ACSF3: variants seen among roughly 807,000 people sequenced by gnomAD.
ACSF3 encodes the protein acyl-CoA synthetase family member 3.
A neutral mutation model predicts 53.2 loss-of-function variants in ACSF3; 78 were observed. The observed-to-expected ratio is 1.47, with a 90% CI of 1.22 to 1.77. The LOEUF (loss-of-function observed/expected upper bound fraction) is 1.77, where lower values mean the gene tolerates loss of function less well. Ranked by LOEUF, ACSF3 falls within the 40% of genes most tolerant of loss-of-function variation. ACSF3 has a pLI of 0.00. For synonymous variants in ACSF3, 414 were observed against 333.1 expected (o/e 1.24, Z -2.65); for missense variants, 937 against 771.1 (o/e 1.22, Z -2.55).
chr16:89,125,431 G>A (rs980539583), intron 7 of ACSF3, among the ~76,000 whole-genome samples: 1 of 151,868 alleles, frequency 6.6e-6, no homozygotes, highest in African/African-American at 2.4e-5. Flanking sequence ...AGTGGCTCAT[G>A]CCTGTATTCC....
chr16:89,135,909 G>C (rs1910355496), intron 8 of ACSF3, among the ~76,000 whole-genome samples: 2 of 152,218 alleles, frequency 1.3e-5, no homozygotes, highest in Admixed American at 1.3e-4. Flanking sequence ...CAAGTAGCTG[G>C]GATTACAGGC....
intron 8 of ACSF3, chr16:89,136,513 A>G: frequency 5.6e-6 from 7 of 1,244,466 alleles, no homozygotes; most frequent in Non-Finnish European, 6.2e-6. Flanking sequence ...TTAAATAGAA[A>G]TCAGGAGAAA....
At chr16:89,117,548 T>C (rs925422080) in intron 6 of ACSF3, among the ~76,000 whole-genome samples, 25 of 149,248 alleles carry the variant, frequency 1.7e-4, no homozygotes, top group Non-Finnish European at 3.3e-4. Context: ...GCCCGGGGAC[T>C]GCTGTCTACA....
At chr16:89,151,666 G>GTGCAGT in intron 10 of ACSF3, 1 of 181,260 alleles carries the variant, frequency 5.5e-6, no homozygotes, top group Non-Finnish European at 1.2e-5. Flanking sequence ...GAGTGCAGTG[G>GTGCAGT]CACGATCTCC....
At chr16:89,109,863 G>A (rs193121065) in intron 4 of ACSF3, among the ~76,000 whole-genome samples, 7 of 152,290 alleles carry the variant, frequency 4.6e-5, no homozygotes, top group African/African-American at 7.2e-5. Flanking sequence ...CCGGGATTAC[G>A]GGCATGAGCA....
intron 4 of ACSF3, among the ~76,000 whole-genome samples, chr16:89,106,946 G>C (rs1892367510): frequency 6.6e-6 from 1 of 152,240 alleles, no homozygotes; most frequent in South Asian, 2.1e-4. Flanking sequence ...GGAGATCAAA[G>C]TCACCACTGA....
chr16:89,100,755 G>T lies in ACSF3; in HGVS notation c.74G>T (p.Arg25Ile). Residue 25 changes from arginine (R) to isoleucine (I), a missense_variant, in exon 3 of 11, where the codon AGA (arginine) becomes ATA (isoleucine). Transcript: ENST00000614302. Reference protein sequence around the residue: ...ALASCRLAPARHRGSGLLHTA... With the variant: ...ALASCRLAPAIHRGSGLLHTA... ...GCGTCCTGCCGGCTGGCGCCTGCGA[G>T]ACACAGAGGAAGTGGTCTTCTGCAC... 1.2e-6 allele frequency: 2 copies of T among 1,608,014 alleles called. No homozygotes were observed. The highest frequency in any genetic ancestry group is 1.7e-6 in the Non-Finnish European group (2 of 1,179,850).
chr16:89,143,186 A>G (rs2151555974), intron 8 of ACSF3, among the ~76,000 whole-genome samples: 1 of 152,332 alleles, frequency 6.6e-6, no homozygotes, highest in Non-Finnish European at 1.5e-5. Flanking sequence ...ACGGTGGTAC[A>G]TCCTCAGTGC....
chr16:89,102,642 C>A lies in ACSF3; in HGVS notation c.705C>A (p.Asp235Glu). The change falls in exon 4 of 11, where the codon GAC becomes GAA. Residue 235 changes from aspartate (D) to glutamate (E), a missense_variant. Transcript: ENST00000614302. The stretch of plus-strand genomic sequence containing the variant: ...TCCACAAGTGGGCATGGACCAAAGA[C>A]GACGTGATCCTCCACGTGCTCCCGC... ...GLVHKWAWTK[D>E]DVILHVLPLH... 1 of 1,613,868 alleles carries A rather than the reference C, an allele frequency of 6.2e-7. No individual in the cohort carries two copies. The highest frequency in any genetic ancestry group is 8.5e-7 in the Non-Finnish European group (1 of 1,180,022).
chr16:89,114,804 G>C (rs547216398), intron 6 of ACSF3: 3 of 417,708 alleles, frequency 7.2e-6, no homozygotes, highest in African/African-American at 6.1e-5. Context: ...AGAGGAAGGC[G>C]GGGGGCCATG....
At chr16:89,134,523 G>A (rs1178349785) in intron 8 of ACSF3, among the ~76,000 whole-genome samples, 1 of 152,186 alleles carries the variant, frequency 6.6e-6, no homozygotes, top group Admixed American at 6.5e-5. Flanking sequence ...GGTGGACGGC[G>A]AGCGAAAGCT....
At position 89,120,887 on chromosome 16, in the gene ACSF3, G is replaced by A. The variant is rs189568082; in HGVS notation, c.1213G>A (p.Ala405Thr). 85 of 1,614,014 alleles carry A rather than the reference G, an allele frequency of 5.3e-5. No homozygotes were observed. In the East Asian group the frequency reaches 1.4e-3, roughly 26 times the overall value. The change falls in exon 7 of 11, where the codon GCA (alanine) becomes ACA (threonine). Residue 405 changes from alanine (A) to threonine (T), a missense_variant. Ala to Thr is a moderately conservative substitution (Grantham distance 58). Transcript: ENST00000614302. ...QREACSYTIH[A>T]EGDERGTKVT... Reference sequence around the variant, plus strand: ...GGAAGCCTGCTCCTACACCATCCACGCAGAGGGAGACGAGAGGGGGACCAA... The same window carrying A: ...GGAAGCCTGCTCCTACACCATCCACACAGAGGGAGACGAGAGGGGGACCAA...
intron 4 of ACSF3, among the ~76,000 whole-genome samples, chr16:89,107,432 G>T (rs1351236371): frequency 2.6e-5 from 4 of 151,222 alleles, no homozygotes; most frequent in Non-Finnish European, 5.9e-5. Context: ...TGCTACACGC[G>T]TGCTCTCCCC....
Position 89,145,113 on chromosome 16 carries a change from C to G in ACSF3, c.1367-154C>G, listed in dbSNP as rs1912643975. 2.5e-6 allele frequency: 4 copies of G among 1,585,100 alleles called. No homozygotes were observed. In the East Asian group the frequency reaches 9.1e-5, roughly 36 times the overall value. On this transcript the variant is annotated intron_variant, in intron 8 of 10. Transcript: ENST00000614302. ...GTGGGCTTACCTGGCATAGCTGTTT[C>G]TCCGTTGGGGTTGCCACAGGGTAGT...
At chr16:89,124,280 G>C (rs578006095) in intron 7 of ACSF3, among the ~76,000 whole-genome samples, 7 of 152,184 alleles carry the variant, frequency 4.6e-5, no homozygotes, top group African/African-American at 1.7e-4. Flanking sequence ...CGATGTCATA[G>C]GACGAGGGGG....
chr16:89,149,247 T>C (rs1913666966), intron 10 of ACSF3: 1 of 152,240 alleles, frequency 6.6e-6, no homozygotes, highest in Non-Finnish European at 1.5e-5. Context: ...TCCTGTCTTC[T>C]TCCGAGCTCT....
chr16:89,103,616 G>A (rs187147413), intron 4 of ACSF3, among the ~76,000 whole-genome samples: 109 of 152,370 alleles, frequency 7.2e-4, no homozygotes, highest in Non-Finnish European at 1.2e-3. Flanking sequence ...CACATTCGGG[G>A]TGTAGGGCGT....
chr16:89,126,405 A>G (rs1781199947), intron 7 of ACSF3, among the ~76,000 whole-genome samples: 1 of 152,078 alleles, frequency 6.6e-6, no homozygotes, highest in African/African-American at 2.4e-5. Context: ...AGTAGCTGGG[A>G]TTACAGATGT....
In ACSF3 at chr16:89,112,158, T is replaced by C. The variant is rs1567699812; in HGVS notation, c.889T>C (p.Tyr297His). Residue 297 changes from tyrosine (Y) to histidine (H), a missense_variant, in exon 5 of 11, where the codon TAC becomes CAC. Tyr to His is a moderately conservative substitution (Grantham distance 83, BLOSUM62 2). Transcript: ENST00000614302. ...INVFMAVPTI[Y>H]TKLMEYYDRH... ...TGTCTTTATGGCAGTGCCTACAATA[T>C]ACACCAAGCTGATGGAGTACTACGA... The C allele has an allele frequency of 1.2e-6, 2 of 1,614,272 alleles. No individual in the cohort carries two copies. The highest frequency in any genetic ancestry group is 1.7e-6 in the Non-Finnish European group (2 of 1,180,044).
Sources: gnomAD v4.1 joint callset for allele counts (sites outside exome capture counted in the v4.1 genomes callset) on GRCh38, gnomAD v4.1.1 for gene constraint, MANE v1.5 for transcripts, NCBI Gene and HGNC (gene_info 2026-07-23, HGNC 2026-07-21) for gene names.